The following RAB7B variants were observed in gnomAD, a reference collection of about 807,000 sequenced individuals.
RAB7B encodes ras-related protein Rab-7b.
intron 3 of RAB7B, 27 bp from the exon 4 acceptor site, chr1:205,992,722 G>C (rs911755344): frequency 4.8e-5 from 19 of 398,692 alleles, no homozygotes; most frequent in Non-Finnish European, 7.1e-5. Context: ...TTGCCCCATG[G>C]GGCTGTGATG....
At chr1:206,002,738 C>T (rs1167387503) in intron 1 of RAB7B, among the ~76,000 whole-genome samples, 1 of 152,190 alleles carries the variant, frequency 6.6e-6, no homozygotes, top group Non-Finnish European at 1.5e-5. Flanking sequence ...CATTGGCTCC[C>T]CTGGCATTGC....
chr1:205,985,498 C>A (rs946715644), intron 5 of RAB7B, 42 bp downstream of exon 5: 8,038 of 398,672 alleles, frequency 0.02, 103 homozygotes, highest in South Asian at 0.031. Flanking sequence ...CCTCCCCAAT[C>A]CAGGGGCGGT....
At chr1:205,984,731 C>A (rs1021272198) in intron 5 of RAB7B, among the ~76,000 whole-genome samples, 1 of 152,136 alleles carries the variant, frequency 6.6e-6, no homozygotes, top group African/African-American at 2.4e-5. Context: ...ATGTCATTGC[C>A]CCTTTCTGTC....
intron 1 of RAB7B, among the ~76,000 whole-genome samples, chr1:206,000,683 C>G (rs1354848042): frequency 6.6e-6 from 1 of 152,184 alleles, no homozygotes; most frequent in African/African-American, 2.4e-5. Flanking sequence ...AGTCTAGAGG[C>G]CAGGGCCCTG....
intron 1 of RAB7B, among the ~76,000 whole-genome samples, chr1:206,000,930 G>C (rs1660880661): frequency 6.6e-6 from 1 of 152,220 alleles, no homozygotes; most frequent in African/African-American, 2.4e-5. Context: ...CACAAAAAGT[G>C]CTCAAGATCC....
intron 4 of RAB7B, among the ~76,000 whole-genome samples, chr1:205,990,559 TG>T (rs1465355714): frequency 2.6e-5 from 4 of 152,148 alleles, no homozygotes; most frequent in African/African-American, 9.6e-5. Context: ...AGCAACAGGC[TG>T]GGGCTGGCTA....
chr1:205,980,953 G>C (rs1371111199), intron 5 of RAB7B, among the ~76,000 whole-genome samples: 1 of 151,340 alleles, frequency 6.6e-6, no homozygotes, highest in Non-Finnish European at 1.5e-5. Context: ...CCAGGCTGGA[G>C]TGCAGTGGCA....
At position 205,992,523 on chromosome 1, in the gene RAB7B, G is replaced by A; in HGVS notation, c.353C>T (p.Pro118Leu). ...AKIVPMEQSYPMVLLGNKIDL... is the reference protein window; with the variant it reads ...AKIVPMEQSYLMVLLGNKIDL... ...GATCTTGTTCCCCAACAACACCATG[G>A]GGTAGGACTGCTCCATGGGGACAAT... Residue 118 changes from proline to leucine, a missense_variant, in exon 4 of 6, where the codon CCC (proline) becomes CTC (leucine). Physicochemically the swap from Pro to Leu is moderately conservative, Grantham distance 98. Transcript: ENST00000617070. 2.5e-6 allele frequency: 1 copy of A among 398,674 alleles called. No individual in the cohort carries two copies. The allele number at this position is 398,674 out of a possible 1,614,324, so 24.7% of individuals were successfully genotyped here. A position where few individuals can be genotyped will look rare whatever the true frequency, so the allele number is the denominator to read the frequency against.
rs973776374 is a variant in RAB7B, at chr1:205,992,681, G to A, written c.195C>T (p.Gly65=). Residue 65 remains glycine (G), a synonymous_variant, in exon 4 of 6, where the codon GGC becomes GGT. Coordinates refer to ENST00000617070, the MANE Select transcript of RAB7B (RefSeq NM_001164522.3). ...TTLKLQIWDT[G]GQERFRSMVS... ...CCATGGAGCGGAACCGCTCCTGACCGCCCGTGTCCCAGATCTGGAGGGGAA... is the reference window on the plus strand; with the variant it reads ...CCATGGAGCGGAACCGCTCCTGACCACCCGTGTCCCAGATCTGGAGGGGAA... The A allele has an allele frequency of 2.5e-5, 10 of 398,726 alleles. No individual in the cohort carries two copies. The highest frequency in any genetic ancestry group is 4.0e-5 in the Non-Finnish European group (9 of 226,242). The allele number at this position is 398,726 out of a possible 1,614,324, so 24.7% of individuals were successfully genotyped here. A position where few individuals can be genotyped will look rare whatever the true frequency, so the allele number is the denominator to read the frequency against.
intron 4 of RAB7B, 82 bp from the exon 5 acceptor site, chr1:205,985,747 C>CCCGCCAGGCCCACCAGGCCCA (rs1660583640): frequency 3.3e-6 from 1 of 301,482 alleles, no homozygotes; most frequent in Non-Finnish European, 5.8e-6. Flanking sequence ...CCCCACCATC[C>CCCGCCAGGCCCACCAGGCCCA]CCATCAGGCC....
At chr1:205,995,751 A>G (rs1409030371) in intron 1 of RAB7B, among the ~76,000 whole-genome samples, 1 of 152,170 alleles carries the variant, frequency 6.6e-6, no homozygotes, top group Non-Finnish European at 1.5e-5. Flanking sequence ...AGTTGGGGAG[A>G]TGTTAGAGGA....
At chr1:205,989,580 T>C (rs1660681692) in intron 4 of RAB7B, among the ~76,000 whole-genome samples, 1 of 151,984 alleles carries the variant, frequency 6.6e-6, no homozygotes, top group African/African-American at 2.4e-5. Context: ...CTCTGTAAAA[T>C]AAGAAACCTG....
At chr1:205,988,145 C>T (rs2102636593) in intron 4 of RAB7B, among the ~76,000 whole-genome samples, 1 of 151,798 alleles carries the variant, frequency 6.6e-6, no homozygotes, top group East Asian at 1.9e-4. Flanking sequence ...TCTCACCTTC[C>T]TAAACTAGCA....
Position 206,003,367 on chromosome 1 carries a change from G to A in RAB7B, c.-131C>T, listed in dbSNP as rs1660919560. ...CAGCAGGGCCAGGGAAGAGGCTCTG[G>A]GACAAAGACAGGCAAAAGAAAGTCT... On this transcript the variant is annotated 5_prime_UTR_variant, in exon 1 of 6. Coordinates refer to ENST00000617070, the MANE Select transcript of RAB7B (RefSeq NM_001164522.3). 2.6e-5 allele frequency: 4 copies of A among 152,402 alleles called. No individual in the cohort carries two copies. In the South Asian group the frequency reaches 8.3e-4, roughly 32 times the overall value. The allele number at this position is 152,402 out of a possible 1,614,324, so 9.4% of individuals were successfully genotyped here.
intron 4 of RAB7B, among the ~76,000 whole-genome samples, chr1:205,991,273 T>C (rs1164413372): frequency 2.0e-5 from 3 of 152,200 alleles, no homozygotes; most frequent in African/African-American, 7.2e-5. Flanking sequence ...CACCCACAGC[T>C]GGTCCCAGTG....
At chr1:205,990,510 T>C (rs1660703283) in intron 4 of RAB7B, among the ~76,000 whole-genome samples, 1 of 152,076 alleles carries the variant, frequency 6.6e-6, no homozygotes. Flanking sequence ...GAGTGTGCCT[T>C]GTGAAGGACA....
intron 5 of RAB7B, among the ~76,000 whole-genome samples, chr1:205,980,844 C>T (rs1660479406): frequency 9.6e-6 from 1 of 104,224 alleles, no homozygotes; most frequent in African/African-American, 3.6e-5. Flanking sequence ...CTCCCCCTTT[C>T]CCTCCCCTTT....
chr1:205,985,831 A>ACCAGGCCCACCAGGCCCCCCATCCCCC (rs1660594876), intron 4 of RAB7B, among the ~76,000 whole-genome samples, 166 bp from the exon 5 acceptor site: 1 of 146,686 alleles, frequency 6.8e-6, no homozygotes, highest in African/African-American at 2.5e-5. Flanking sequence ...CACCATCCCC[A>ACCAGGCCCACCAGGCCCCCCATCCCCC]CCAGGCCCAC....
chr1:205,981,511 A>G (rs1057224162), intron 5 of RAB7B, among the ~76,000 whole-genome samples: 1,992 of 64,882 alleles, frequency 0.031, 130 homozygotes, highest in South Asian at 0.049. Context: ...TTTCTTTCAC[A>G]ATGTTAACTG....
Sources: allele counts gnomAD v4.1 joint callset (sites outside exome capture counted in the v4.1 genomes callset), GRCh38; gene constraint gnomAD v4.1.1; transcripts MANE v1.5; gene names NCBI Gene and HGNC (gene_info 2026-07-23, HGNC 2026-07-21).